The following TXNL1 variants were observed in gnomAD, a reference collection of about 807,000 sequenced individuals.
TXNL1 encodes the protein thioredoxin like 1.
In TXNL1, 14 loss-of-function variants were observed where a neutral mutation model predicts 35.5. The ratio of observed to expected loss-of-function variants is 0.39; its 90% CI spans 0.26 to 0.62. The LOEUF is 0.62. Among genes scored for constraint, TXNL1 ranks in the 20% least tolerant of loss-of-function variants. The pLI is 0.47. For synonymous variants in TXNL1, 110 were observed against 115.5 expected (o/e 0.95, Z 0.31); for missense variants, 263 against 349.7 (o/e 0.75, Z 1.98).
At chr18:56,607,161 T>TTTTGTGTGTG (rs2023911661) in intron 7 of TXNL1, among the ~76,000 whole-genome samples, 1 of 137,526 alleles carries the variant, frequency 7.3e-6, no homozygotes, top group Non-Finnish European at 1.6e-5. Context: ...CTGGGTAATT[T>TTTTGTGTGTG]TGTGTGTGTG....
chr18:56,614,301 T>C (rs555046001), intron 6 of TXNL1, 123 bp downstream of exon 6: 2 of 778,342 alleles, frequency 2.6e-6, no homozygotes, highest in East Asian at 2.8e-5. Flanking sequence ...TTAAACATTT[T>C]ACTCATTTCA....
chr18:56,629,525 G>A (rs565464651), intron 1 of TXNL1, among the ~76,000 whole-genome samples: 7 of 152,202 alleles, frequency 4.6e-5, no homozygotes, highest in African/African-American at 1.7e-4. Context: ...TGTTTAGGGG[G>A]GAAGAAAGTC....
chr18:56,634,284 G>GC (rs1240208661), intron 1 of TXNL1, among the ~76,000 whole-genome samples: 1 of 152,144 alleles, frequency 6.6e-6, no homozygotes, highest in African/African-American at 2.4e-5. Flanking sequence ...AGATGAACGT[G>GC]CATTTCTTTT....
At chr18:56,618,940 T>C (rs1371882397) in intron 3 of TXNL1, among the ~76,000 whole-genome samples, 6 of 152,048 alleles carry the variant, frequency 3.9e-5, no homozygotes, top group Admixed American at 3.9e-4. Context: ...CCTGGTACGA[T>C]GGCTCATGCT....
At chr18:56,628,423 A>G (rs1184225274) in intron 1 of TXNL1, among the ~76,000 whole-genome samples, 2 of 152,190 alleles carry the variant, frequency 1.3e-5, no homozygotes, top group Non-Finnish European at 2.9e-5. Context: ...CAAAAATCAG[A>G]AACAATTAAA....
chr18:56,598,921 C>G lies in TXNL1; in HGVS notation c.*4106G>C, dbSNP rs773036265. On this transcript the variant is annotated 3_prime_UTR_variant, in exon 8 of 8. Coordinates refer to ENST00000217515, the MANE Select transcript of TXNL1 (RefSeq NM_004786.3). ...TTTTGCTCCTAGGTAGTATGATGAG[C>G]CAGTATCTCCAAATGCGTGTCCAAT... The G allele has an allele frequency of 6.6e-6, 1 of 152,104 alleles. No individual in the cohort carries two copies. The highest frequency in any genetic ancestry group is 1.9e-4 in the East Asian group (1 of 5,192). The allele number at this position is 152,104 out of a possible 1,614,324, so 9.4% of individuals were successfully genotyped here. A position where few individuals can be genotyped will look rare whatever the true frequency, so the allele number is the denominator to read the frequency against.
At position 56,602,194 on chromosome 18, in the gene TXNL1, A is replaced by C. The variant is rs2023818611; in HGVS notation, c.*833T>G. On this transcript the variant is annotated 3_prime_UTR_variant, in exon 8 of 8. Transcript: ENST00000217515. ...CCTGGCTAATTTTTGTATTTTTAGT[A>C]GAGACGAGGTTTCACCATGTTGGCC... The C allele has an allele frequency of 6.6e-6, 1 of 152,138 alleles. No homozygotes were observed. Among genetic ancestry groups the C allele is most frequent in the Non-Finnish European group, 1.5e-5 (1 of 68,068 alleles). 9.4% of individuals were successfully genotyped at this position (152,138 alleles called of 1,614,324 possible).
chr18:56,616,439 A>G (rs2024088104), intron 4 of TXNL1, 125 bp from the exon 5 acceptor site: 3 of 758,412 alleles, frequency 4.0e-6, no homozygotes, highest in Non-Finnish European at 6.3e-6. Flanking sequence ...AACAAAACCA[A>G]CGTAATATGA....
chr18:56,625,781 C>T (rs1171224474), intron 2 of TXNL1, among the ~76,000 whole-genome samples: 1 of 152,144 alleles, frequency 6.6e-6, no homozygotes, highest in South Asian at 2.1e-4. Flanking sequence ...AAAGACTCTA[C>T]TTTTTAGTAT....
At chr18:56,624,262 A>G (rs752812912) in intron 3 of TXNL1, 26 bp downstream of exon 3, 1 of 1,598,030 alleles carries the variant, frequency 6.3e-7, no homozygotes, top group Non-Finnish European at 8.5e-7. Flanking sequence ...ATTATACATT[A>G]TGATTTCACT....
intron 7 of TXNL1, chr18:56,610,187 T>C (rs1296565768): frequency 6.6e-6 from 1 of 152,192 alleles, no homozygotes; most frequent in East Asian, 1.9e-4. Context: ...TTAGAGACAG[T>C]GGGATACCTA....
rs891467870 is a variant in TXNL1 at position 56,599,624 on chromosome 18, G to A, written c.*3403C>T. 2.0e-5 allele frequency: 3 copies of A among 150,992 alleles called. No individual in the cohort carries two copies. The highest frequency in any genetic ancestry group is 4.9e-5 in the African/African-American group (2 of 40,912). The allele number at this position is 150,992 out of a possible 1,614,324, so 9.4% of individuals were successfully genotyped here. A position where few individuals can be genotyped will look rare whatever the true frequency, so the allele number is the denominator to read the frequency against. On this transcript the variant is annotated 3_prime_UTR_variant, in exon 8 of 8. Coordinates refer to ENST00000217515, the MANE Select transcript of TXNL1 (RefSeq NM_004786.3). Reference sequence around the variant, plus strand: ...TGCCCGGGCTAGTGTGCAGTCATGCGATCTTGGCTCACTGCAACCTCCGCC... The same window carrying A: ...TGCCCGGGCTAGTGTGCAGTCATGCAATCTTGGCTCACTGCAACCTCCGCC...
chr18:56,636,113 T>C (rs1000482227), intron 1 of TXNL1, among the ~76,000 whole-genome samples: 3 of 152,008 alleles, frequency 2.0e-5, no homozygotes, highest in Non-Finnish European at 2.9e-5. Flanking sequence ...AAATGGTCAA[T>C]TTTATGTTAT....
intron 1 of TXNL1, among the ~76,000 whole-genome samples, chr18:56,628,550 A>T (rs1221438803): frequency 6.6e-6 from 1 of 152,196 alleles, no homozygotes; most frequent in Non-Finnish European, 1.5e-5. Context: ...CTCACAAATA[A>T]CATTGAGGAA....
chr18:56,633,417 A>T (rs1456503551), intron 1 of TXNL1, among the ~76,000 whole-genome samples: 2 of 143,082 alleles, frequency 1.4e-5, no homozygotes, highest in Admixed American at 1.5e-4. Context: ...ACTGCACTCC[A>T]GCCTAGGCTA....
intron 1 of TXNL1, among the ~76,000 whole-genome samples, chr18:56,632,956 G>C (rs962117139): frequency 6.6e-6 from 1 of 151,888 alleles, no homozygotes; most frequent in African/African-American, 2.4e-5. Context: ...GTAATTTTGC[G>C]GTATGTAATT....
At chr18:56,627,027 G>A (rs933865855) in intron 1 of TXNL1, among the ~76,000 whole-genome samples, 5 of 149,704 alleles carry the variant, frequency 3.3e-5, no homozygotes, top group African/African-American at 1.2e-4. Flanking sequence ...TGCCCAGGCT[G>A]GTCTCAAACT....
In TXNL1 at chr18:56,600,967, A is replaced by G. The variant is rs959915723; in HGVS notation, c.*2060T>C. On this transcript the variant is annotated 3_prime_UTR_variant, in exon 8 of 8. Transcript: ENST00000217515. ...AGAGATCATGAAATTCTTTTTTGCTATGTCCGACAAAATGAACAAGAAACT... is the reference window on the plus strand; with the variant it reads ...AGAGATCATGAAATTCTTTTTTGCTGTGTCCGACAAAATGAACAAGAAACT... 1 of 152,174 alleles carries G rather than the reference A, an allele frequency of 6.6e-6. No homozygotes were observed. Among genetic ancestry groups the G allele is most frequent in the Non-Finnish European group, 1.5e-5 (1 of 68,004 alleles). The allele number at this position is 152,174 out of a possible 1,614,324, so 9.4% of individuals were successfully genotyped here. A position where few individuals can be genotyped will look rare whatever the true frequency, so the allele number is the denominator to read the frequency against.
chr18:56,633,330 C>T (rs2024403932), intron 1 of TXNL1, among the ~76,000 whole-genome samples: 1 of 151,580 alleles, frequency 6.6e-6, no homozygotes, highest in African/African-American at 2.4e-5. Flanking sequence ...ACCTGTAGTC[C>T]CAGCTACTCG....
Sources: allele counts gnomAD v4.1 joint callset (sites outside exome capture counted in the v4.1 genomes callset), GRCh38; gene constraint gnomAD v4.1.1; transcripts MANE v1.5; gene names NCBI Gene and HGNC (gene_info 2026-07-23, HGNC 2026-07-21).